INPP5A: variants seen among roughly 807,000 people sequenced by gnomAD.
INPP5A encodes 43 kDa inositol polyphosphate 5-phophatase.
INPP5A carries 14 observed loss-of-function variants against 65.2 expected under a neutral mutation model. The observed-to-expected ratio is 0.21, with a 90% CI of 0.14 to 0.34. INPP5A has a LOEUF of 0.34. Ranked by LOEUF, INPP5A falls within the 10% of genes least tolerant of loss-of-function variation. INPP5A has a pLI of 1.00. For synonymous variants in INPP5A, 207 were observed against 208.3 expected, an observed-to-expected ratio of 0.99 and a Z score of 0.05; for missense variants, 431 against 545.6, an observed-to-expected ratio of 0.79 and a Z score of 2.09.
At chr10:132,613,328 G>A (rs1251802812) in intron 2 of INPP5A, among the ~76,000 whole-genome samples, 1 of 151,754 alleles carries the variant, frequency 6.6e-6, no homozygotes, top group East Asian at 1.9e-4. Flanking sequence ...CCTCCTTCCC[G>A]AGTCCCCCAC....
At position 132,663,093 on chromosome 10, in the gene INPP5A, C is replaced by T. The variant is rs760887042; in HGVS notation, c.306+12588C>T. ...GCTGGCCCCTCGAACGGACTGTGCA[C>T]ACCACTGTGTGTCTCACAACTCAGG... On this transcript the variant is annotated intron_variant, in intron 4 of 15. Transcript: ENST00000368594. The surrounding 1 kb of genome is among the most constrained non-coding windows in gnomAD (Gnocchi z 4.5). Among the ~76,000 whole-genome samples, 3 of 152,358 alleles carry T rather than the reference C, an allele frequency of 2.0e-5. No homozygotes were observed. The highest frequency in any genetic ancestry group is 2.1e-4 in the South Asian group (1 of 4,832).
intron 2 of INPP5A, among the ~76,000 whole-genome samples, chr10:132,615,511 G>A (rs145997513): frequency 2.0e-5 from 3 of 152,234 alleles, no homozygotes; most frequent in African/African-American, 4.8e-5. Flanking sequence ...TGCTGGGTGC[G>A]GGGAGGCTCC....
At chr10:132,746,434 G>A (rs910029730) in intron 9 of INPP5A, among the ~76,000 whole-genome samples, 1 of 152,170 alleles carries the variant, frequency 6.6e-6, no homozygotes, top group African/African-American at 2.4e-5. Context: ...GCACATTGGG[G>A]CGACTCTGCC....
At position 132,663,386 on chromosome 10, in the gene INPP5A, TA is replaced by T. The variant is rs1027956196; in HGVS notation, c.306+12890del. On this transcript the variant is annotated intron_variant, in intron 4 of 15. Coordinates refer to ENST00000368594, the MANE Select transcript of INPP5A (RefSeq NM_005539.5). The surrounding 1 kb of genome is among the most constrained non-coding windows in gnomAD (Gnocchi z 4.5). ...ACAGGTGTGCATCACCACGCCTGGC[TA>T]AAAAAAAACTGTTTATAGAGACTGG... Among the ~76,000 whole-genome samples, 5 of 150,890 alleles carry T rather than the reference TA, an allele frequency of 3.3e-5. No individual in the cohort carries two copies. Among genetic ancestry groups the T allele is most frequent in the South Asian group, 2.1e-4 (1 of 4,766 alleles).
intron 9 of INPP5A, among the ~76,000 whole-genome samples, chr10:132,736,120 C>T (rs1383083979): frequency 1.3e-5 from 2 of 152,250 alleles, no homozygotes; most frequent in African/African-American, 4.8e-5. Flanking sequence ...ACATGAAACA[C>T]GCCAGTCGTG....
chr10:132,546,522 CTG>C lies in INPP5A; in HGVS notation c.75+8355_75+8356del, dbSNP rs1319301703. Among the ~76,000 whole-genome samples the C allele has an allele frequency of 2.0e-5, 3 of 152,084 alleles. No individual in the cohort carries two copies. The highest frequency in any genetic ancestry group is 1.3e-4 in the Admixed American group (2 of 15,272). On this transcript the variant is annotated intron_variant, in intron 1 of 15. Transcript: ENST00000368594. This position sits in a 1 kb window ranked among gnomAD's most constrained non-coding sequence, Gnocchi z 5.7. ...GGGGTTGCTGGGGACCAGCTGGTTG[CTG>C]TGTCGGGGGGCCGTGCTCCCCCTTC...
intron 3 of INPP5A, among the ~76,000 whole-genome samples, chr10:132,646,396 C>G (rs1157889078): frequency 6.6e-6 from 1 of 152,110 alleles, no homozygotes; most frequent in Admixed American, 6.5e-5. Flanking sequence ...GGAAGGTGCC[C>G]CACGTGTATT....
intron 4 of INPP5A, among the ~76,000 whole-genome samples, chr10:132,664,151 G>A (rs1294801496): frequency 6.6e-6 from 1 of 152,198 alleles, no homozygotes; most frequent in Non-Finnish European, 1.5e-5. Flanking sequence ...TTGGCCTCAG[G>A]TGATGTTTCA....
chr10:132,701,331 G>A (rs1845433217), intron 6 of INPP5A, among the ~76,000 whole-genome samples: 2 of 152,188 alleles, frequency 1.3e-5, no homozygotes, highest in Admixed American at 6.5e-5. Flanking sequence ...GCCAGGGGGC[G>A]GCCACCTCGG....
In INPP5A at chr10:132,538,088, C is replaced by A. The variant is rs1234370583; in HGVS notation, c.-9C>A. On this transcript the variant is annotated 5_prime_UTR_variant, in exon 1 of 16. Coordinates refer to ENST00000368594, the MANE Select transcript of INPP5A (RefSeq NM_005539.5). This position sits in a 1 kb window ranked among gnomAD's most constrained non-coding sequence, Gnocchi z 4.1. ...CCGCCCAGCCCAGCGCCCGCGCCGCCCGGGCACCATGGCGGGGAAGGCGGC... is the reference window on the plus strand; with the variant it reads ...CCGCCCAGCCCAGCGCCCGCGCCGCACGGGCACCATGGCGGGGAAGGCGGC... The A allele has an allele frequency of 1.4e-5, 17 of 1,180,298 alleles. No individual in the cohort carries two copies. The highest frequency in any genetic ancestry group is 1.7e-5 in the Non-Finnish European group (16 of 954,154). 73.1% of individuals were successfully genotyped at this position (1,180,298 alleles called of 1,614,324 possible).
rs1390068882 is a variant in INPP5A, at chr10:132,538,111, G to T, written c.15G>T (p.Ala5=). 4.9e-6 allele frequency: 6 copies of T among 1,224,432 alleles called. No individual in the cohort carries two copies. Among genetic ancestry groups the T allele is most frequent in the African/African-American group, 1.6e-5 (1 of 63,538 alleles). The allele number at this position is 1,224,432 out of a possible 1,614,324, so 75.8% of individuals were successfully genotyped here. A position where few individuals can be genotyped will look rare whatever the true frequency, so the allele number is the denominator to read the frequency against. ...GCCCGGGCACCATGGCGGGGAAGGC[G>T]GCCGCCCCGGGCACCGCGGTGCTGC... The part of the protein sequence containing the change: MAGK[A]AAPGTAVLLV... The change falls in exon 1 of 16, where the codon GCG becomes GCT. Residue 5 remains alanine (A), a synonymous_variant. Transcript: ENST00000368594. The surrounding 1 kb of genome is among the most constrained non-coding windows in gnomAD (Gnocchi z 4.1).
chr10:132,691,233 G>A (rs946430413), intron 5 of INPP5A, among the ~76,000 whole-genome samples: 1 of 152,216 alleles, frequency 6.6e-6, no homozygotes, highest in African/African-American at 2.4e-5. Context: ...TTGATGACGA[G>A]AGCAAGATTC....
rs1845551657 is a variant in INPP5A, at chr10:132,707,286, G to C, written c.475-1027G>C. 6.6e-6 allele frequency among the ~76,000 whole-genome samples: 1 copy of C among 152,184 alleles called. No individual in the cohort carries two copies. The highest frequency in any genetic ancestry group is 2.1e-4 in the South Asian group (1 of 4,832). ...CCCCGATGGCGCCAGGCATATGGCT[G>C]CTGCTGGGAACGGAATGGGCGGTGC... On this transcript the variant is annotated intron_variant, in intron 6 of 15. Transcript: ENST00000368594. The surrounding 1 kb of genome is among the most constrained non-coding windows in gnomAD (Gnocchi z 5.5).
At chr10:132,714,243 GCGCTCAGCCAGC>G (rs1317016159) in intron 8 of INPP5A, among the ~76,000 whole-genome samples, 2 of 152,130 alleles carry the variant, frequency 1.3e-5, no homozygotes, top group African/African-American at 4.8e-5. Flanking sequence ...CTCCTGCGGC[GCGCTCAGCCAGC>G]CGCAGATCCG....
chr10:132,745,562 C>CTGGCACTGGCCCCAGCCCGGGCCTTGGG (rs1846354376), intron 9 of INPP5A, among the ~76,000 whole-genome samples: 2 of 151,392 alleles, frequency 1.3e-5, no homozygotes, highest in East Asian at 1.9e-4. Flanking sequence ...CATGTCACGG[C>CTGGCACTGGCCCCAGCCCGGGCCTTGGG]TGGCACTGGC....
intron 1 of INPP5A, among the ~76,000 whole-genome samples, chr10:132,576,388 C>A (rs992668283): frequency 6.6e-6 from 1 of 152,344 alleles, no homozygotes; most frequent in Non-Finnish European, 1.5e-5. Context: ...GCGGGTTTTC[C>A]TTTCAGGTGT....
intron 9 of INPP5A, among the ~76,000 whole-genome samples, chr10:132,736,869 T>A (rs1846185917): frequency 6.6e-6 from 1 of 152,200 alleles, no homozygotes; most frequent in Non-Finnish European, 1.5e-5. Flanking sequence ...CCAGCCAGGC[T>A]CCAGGTGAAG....
chr10:132,598,884 C>T (rs1055714926), intron 1 of INPP5A, among the ~76,000 whole-genome samples: 1 of 152,154 alleles, frequency 6.6e-6, no homozygotes, highest in African/African-American at 2.4e-5. Flanking sequence ...GAAGTAAAAG[C>T]GGAAACCTCT....
At chr10:132,661,450 T>C (rs1269039998) in intron 4 of INPP5A, among the ~76,000 whole-genome samples, 1 of 152,182 alleles carries the variant, frequency 6.6e-6, no homozygotes, top group African/African-American at 2.4e-5. Context: ...ATCAAAAATA[T>C]GAAATATTTA....
Sources: allele counts gnomAD v4.1 joint callset (sites outside exome capture counted in the v4.1 genomes callset), GRCh38; gene constraint gnomAD v4.1.1; non-coding constraint Gnocchi (gnomAD v3.1); transcripts MANE v1.5; gene names NCBI Gene and HGNC (gene_info 2026-07-23, HGNC 2026-07-21).